Variants in BAIAP2 observed in about 807,000 individuals in gnomAD.
BAIAP2 encodes the protein BAR/IMD domain containing adaptor protein 2.
A neutral mutation model predicts 63.0 loss-of-function variants in BAIAP2; 18 were observed. That is an observed-to-expected ratio of 0.29 (90% CI 0.20 to 0.42). The LOEUF (loss-of-function observed/expected upper bound fraction) is 0.42, where lower values mean the gene tolerates loss of function less well. BAIAP2 is among the 10% of genes least tolerant of loss of function. The probability of loss-of-function intolerance (pLI) is 1.00; values close to 1 mark genes in which losing one functional copy is unlikely to be tolerated. For synonymous variants in BAIAP2, 386 were observed against 307.6 expected (o/e 1.25, Z -2.67); for missense variants, 610 against 734.3 (o/e 0.83, Z 1.96).
chr17:81,074,686 G>A lies in BAIAP2; in HGVS notation c.218-10146G>A, dbSNP rs115907617. Among the ~76,000 whole-genome samples, 391 of 151,336 alleles carry A rather than the reference G, an allele frequency of 2.6e-3. 2 individuals are homozygous for A. Among genetic ancestry groups the A allele is most frequent in the African/African-American group, 9.0e-3 (372 of 41,160 alleles). ...CGTGCACGGATGCGTATGAGTGCCT[G>A]TGTGTGTGCATGCACGGATGCGTGT... On this transcript the variant is annotated intron_variant, in intron 3 of 13. Coordinates refer to ENST00000428708, the MANE Select transcript of BAIAP2 (RefSeq NM_001144888.2).
At chr17:81,070,637 C>T (rs2052445660) in intron 3 of BAIAP2, among the ~76,000 whole-genome samples, 3 of 152,170 alleles carry the variant, frequency 2.0e-5, no homozygotes, top group Non-Finnish European at 4.4e-5. Flanking sequence ...GGCCAGGTCG[C>T]TCAACCCGTG....
chr17:81,044,625 C>G (rs1367528164), intron 1 of BAIAP2, among the ~76,000 whole-genome samples: 1 of 152,236 alleles, frequency 6.6e-6, no homozygotes, highest in East Asian at 1.9e-4. Flanking sequence ...ACCCAGCGGA[C>G]CCCACCCGTG....
At chr17:81,077,222 A>G (rs964938236) in intron 3 of BAIAP2, among the ~76,000 whole-genome samples, 3 of 152,168 alleles carry the variant, frequency 2.0e-5, no homozygotes, top group East Asian at 1.9e-4. Flanking sequence ...TGGTGAGCGC[A>G]TGATGCTGAC....
At chr17:81,107,184 C>G in intron 12 of BAIAP2, 1 of 466,862 alleles carries the variant, frequency 2.1e-6, no homozygotes, top group East Asian at 3.9e-5. Context: ...GGGCAACTCA[C>G]TGCTCTGTCC....
At chr17:81,051,698 A>AT (rs1053993261) in intron 1 of BAIAP2, among the ~76,000 whole-genome samples, 4 of 150,918 alleles carry the variant, frequency 2.7e-5, no homozygotes, top group African/African-American at 9.8e-5. Context: ...GGCCTGTTTT[A>AT]TTTTTTTTAG....
At chr17:81,075,954 T>C (rs1333669323) in intron 3 of BAIAP2, among the ~76,000 whole-genome samples, 3 of 144,336 alleles carry the variant, frequency 2.1e-5, no homozygotes, top group African/African-American at 7.6e-5. Context: ...TTTTTTTTTG[T>C]AGTGGTGATG....
intron 13 of BAIAP2, among the ~76,000 whole-genome samples, chr17:81,112,777 G>A (rs1432746996): frequency 2.0e-5 from 3 of 152,290 alleles, no homozygotes; most frequent in Admixed American, 6.5e-5. Flanking sequence ...TTGGCCGAGC[G>A]CCGTGGCCCA....
intron 3 of BAIAP2, among the ~76,000 whole-genome samples, chr17:81,065,281 C>T (rs1386069828): frequency 1.3e-5 from 2 of 152,228 alleles, no homozygotes; most frequent in African/African-American, 4.8e-5. Flanking sequence ...CCAGCCTGGT[C>T]ACAGAAGCAG....
chr17:81,065,932 G>A (rs1318061772), intron 3 of BAIAP2, among the ~76,000 whole-genome samples: 1 of 152,254 alleles, frequency 6.6e-6, no homozygotes, highest in African/African-American at 2.4e-5. Context: ...TGTCTTCAGT[G>A]AGGGGGGCTG....
intron 3 of BAIAP2, among the ~76,000 whole-genome samples, chr17:81,072,078 G>A (rs545049416): frequency 2.0e-5 from 3 of 152,256 alleles, no homozygotes; most frequent in South Asian, 2.1e-4. Flanking sequence ...GAGCGCCCAC[G>A]TAGGGCTGGG....
intron 3 of BAIAP2, among the ~76,000 whole-genome samples, chr17:81,070,559 C>T (rs552543145): frequency 1.3e-5 from 2 of 152,250 alleles, no homozygotes; most frequent in South Asian, 4.1e-4. Flanking sequence ...AGAGGGGTTC[C>T]TAGTGGACGC....
chr17:81,037,096 C>A, intron 1 of BAIAP2: 2 of 765,900 alleles, frequency 2.6e-6, no homozygotes, highest in Non-Finnish European at 4.2e-6. Flanking sequence ...AATCTGCTGG[C>A]AGGAAAACTC....
intron 3 of BAIAP2, among the ~76,000 whole-genome samples, chr17:81,071,884 C>T (rs1298262321): frequency 6.6e-6 from 1 of 152,242 alleles, no homozygotes; most frequent in East Asian, 1.9e-4. Context: ...TCCAGCGTGG[C>T]ACGGAGGCGC....
rs1375693725 is a variant in BAIAP2 at position 81,109,391 on chromosome 17, AAAAAG to A, written c.1535+887_1535+891del. The A allele has an allele frequency of 1.9e-5, 19 of 974,714 alleles. No individual in the cohort carries two copies. In the South Asian group the frequency reaches 2.0e-4, roughly 10 times the overall value. The allele number at this position is 974,714 out of a possible 1,614,324, so 60.4% of individuals were successfully genotyped here. A position where few individuals can be genotyped will look rare whatever the true frequency, so the allele number is the denominator to read the frequency against. ...AAATCTTAAAAAAAAAAAAAAAAAA[AAAAAG>A]AAAAAAAGAAAAACAGGAAAAAGGA... On this transcript the variant is annotated intron_variant, in intron 13 of 13. Transcript: ENST00000428708.
In BAIAP2 at chr17:81,035,221, G is replaced by T. The variant is rs751851186; in HGVS notation, c.-34G>T. 3 of 1,470,268 alleles carry T rather than the reference G, an allele frequency of 2.0e-6. No individual in the cohort carries two copies. The highest frequency in any genetic ancestry group is 2.1e-5 in the Admixed American group (1 of 46,550). The allele number at this position is 1,470,268 out of a possible 1,614,324, so 91.1% of individuals were successfully genotyped here. A position where few individuals can be genotyped will look rare whatever the true frequency, so the allele number is the denominator to read the frequency against. On this transcript the variant is annotated 5_prime_UTR_variant, in exon 1 of 14. Coordinates refer to ENST00000428708, the MANE Select transcript of BAIAP2 (RefSeq NM_001144888.2). ...GCTGCTGCCGCCGCTTGCGTCCCCC[G>T]CTCCGGTCTGTGGTGCAGCCGGGAC...
rs1269997371 is a variant in BAIAP2 at position 81,116,476 on chromosome 17, T to TC, written c.*639dup. On this transcript the variant is annotated 3_prime_UTR_variant, in exon 14 of 14. Transcript: ENST00000428708. ...TGCCTCGGGCAGGCCCCAGCCCTCC[T>TC]CCTTACCCAACCTCCCATCCAGAAC... is the stretch of plus-strand genomic sequence containing the variant. 1.4e-6 allele frequency: 1 copy of TC among 740,182 alleles called. No individual in the cohort carries two copies. Among genetic ancestry groups the TC allele is most frequent in the Non-Finnish European group, 2.1e-6 (1 of 481,560 alleles). 45.9% of individuals were successfully genotyped at this position (740,182 alleles called of 1,614,324 possible).
intron 6 of BAIAP2, among the ~76,000 whole-genome samples, 161 bp downstream of exon 6, chr17:81,086,741 G>A (rs538221314): frequency 8.1e-4 from 124 of 152,328 alleles, no homozygotes; most frequent in African/African-American, 2.7e-3. Flanking sequence ...TGGGCCTGAC[G>A]CCCCCAGGCC....
chr17:81,100,175 G>A (rs943864971), intron 7 of BAIAP2, 95 bp downstream of exon 7: 72 of 1,432,050 alleles, frequency 5.0e-5, no homozygotes, highest in East Asian at 7.6e-5. Context: ...TGAACACACC[G>A]GGGCAGTGTC....
intron 3 of BAIAP2, among the ~76,000 whole-genome samples, chr17:81,081,469 C>T (rs2054591542): frequency 6.6e-6 from 1 of 152,168 alleles, no homozygotes; most frequent in African/African-American, 2.4e-5. Flanking sequence ...GGCTGTGGGC[C>T]TGTGCCAGCC....
Sources: allele counts gnomAD v4.1 joint callset (sites outside exome capture counted in the v4.1 genomes callset), GRCh38; gene constraint gnomAD v4.1.1; transcripts MANE v1.5; gene names NCBI Gene and HGNC (gene_info 2026-07-23, HGNC 2026-07-21).